FEZ2: variants seen among roughly 807,000 people sequenced by gnomAD.
FEZ2 encodes the protein fasciculation and elongation protein zeta 2, also known as fasciculation and elongation protein zeta-2.
Under a neutral mutation model 40.4 loss-of-function variants are expected in FEZ2, and 51 were observed. The observed-to-expected ratio is 1.26, with a 90% CI of 1.01 to 1.59. The LOEUF is 1.59. Ranked by LOEUF, FEZ2 falls within the 40% of genes most tolerant of loss-of-function variation. The probability of loss-of-function intolerance (pLI) is 0.00; values close to 1 mark genes in which losing one functional copy is unlikely to be tolerated. For missense variants in FEZ2, 640 were observed against 438.3 expected, an observed-to-expected ratio of 1.46 and a Z score of -4.11; for synonymous variants, 242 against 172.0, an observed-to-expected ratio of 1.41 and a Z score of -3.18.
intron 2 of FEZ2, among the ~76,000 whole-genome samples, chr2:36,587,303 T>C (rs1302321667): frequency 6.6e-6 from 1 of 152,184 alleles, no homozygotes; most frequent in African/African-American, 2.4e-5. Context: ...TGGAATATCT[T>C]TCAGGCTTTG....
intron 1 of FEZ2, among the ~76,000 whole-genome samples, chr2:36,592,983 G>C (rs1669112997): frequency 6.6e-6 from 1 of 152,196 alleles, no homozygotes; most frequent in Non-Finnish European, 1.5e-5. Context: ...AGTAGAATTA[G>C]AGGCAATGTC....
intron 5 of FEZ2, among the ~76,000 whole-genome samples, chr2:36,566,779 G>A (rs944914233): frequency 1.3e-4 from 20 of 152,210 alleles, no homozygotes; most frequent in Non-Finnish European, 2.6e-4. Context: ...TGTGTGACAG[G>A]AGGGCAGTCA....
At chr2:36,580,970 G>A (rs901480217) in intron 4 of FEZ2, among the ~76,000 whole-genome samples, 3 of 152,126 alleles carry the variant, frequency 2.0e-5, no homozygotes, top group Admixed American at 6.5e-5. Flanking sequence ...TGGCCAACAT[G>A]ACGAAACCCC....
intron 1 of FEZ2, among the ~76,000 whole-genome samples, chr2:36,592,098 C>T (rs1477554170): frequency 6.6e-6 from 1 of 152,090 alleles, no homozygotes; most frequent in African/African-American, 2.4e-5. Context: ...TAAAATCAAA[C>T]ACTAAACATA....
intron 5 of FEZ2, among the ~76,000 whole-genome samples, chr2:36,560,528 T>C (rs1386995827): frequency 6.6e-6 from 1 of 152,200 alleles, no homozygotes; most frequent in Non-Finnish European, 1.5e-5. Flanking sequence ...TGTTTAAAAC[T>C]AAGAGTGAAA....
At chr2:36,596,788 T>G (rs993160400) in intron 1 of FEZ2, among the ~76,000 whole-genome samples, 1 of 152,150 alleles carries the variant, frequency 6.6e-6, no homozygotes, top group African/African-American at 2.4e-5. Flanking sequence ...CATTTTACCT[T>G]CAGCCTCTCC....
intron 4 of FEZ2, chr2:36,579,067 A>T (rs1668661007): frequency 1.9e-6 from 1 of 517,076 alleles, no homozygotes; most frequent in African/African-American, 1.9e-5. Context: ...GAGTAGAGGT[A>T]AGTGGGCAGG....
At position 36,590,965 on chromosome 2, in the gene FEZ2, C is replaced by A; in HGVS notation, c.313G>T (p.Asp105Tyr). The change falls in exon 2 of 8, where the codon GAC (aspartate) becomes TAC (tyrosine). Residue 105 changes from aspartate to tyrosine, a missense_variant. Transcript: ENST00000405912. ...GTCCTAGTATGCGATGACTTCCAGT[C>A]TACAGGCATCACATTCCCATAATTA... The part of the protein sequence containing the change: ...TDNYGNVMPV[D>Y]WKSSHTRTLH... 2 of 1,613,066 alleles carry A rather than the reference C, an allele frequency of 1.2e-6. No individual in the cohort carries two copies. Among genetic ancestry groups the A allele is most frequent in the East Asian group, 2.2e-5 (1 of 44,880 alleles).
chr2:36,592,353 T>G (rs1669095550), intron 1 of FEZ2, among the ~76,000 whole-genome samples: 1 of 152,160 alleles, frequency 6.6e-6, no homozygotes, highest in South Asian at 2.1e-4. Context: ...CATGGTGATT[T>G]GCTGCACCTA....
chr2:36,588,405 G>A (rs1044790350), intron 2 of FEZ2, among the ~76,000 whole-genome samples: 10 of 152,058 alleles, frequency 6.6e-5, no homozygotes, highest in African/African-American at 2.2e-4. Context: ...TATCATTACC[G>A]TGGCATTGAA....
In FEZ2 at chr2:36,567,232, T is replaced by C. The variant is rs1403540345; in HGVS notation, c.904-8719A>G. Reference sequence around the variant, plus strand: ...TAGAGCCTATGATCGTTTCACCATATCATGAGGTGTCTTGACTTCTTGCAG... The same window carrying C: ...TAGAGCCTATGATCGTTTCACCATACCATGAGGTGTCTTGACTTCTTGCAG... On this transcript the variant is annotated intron_variant, in intron 5 of 7. Coordinates refer to ENST00000405912, the MANE Select transcript of FEZ2 (RefSeq NM_005102.3). 3.3e-5 allele frequency among the ~76,000 whole-genome samples: 5 copies of C among 151,088 alleles called. No individual in the cohort carries two copies. The East Asian group carries it at 9.7e-4, about 29-fold the overall frequency.
chr2:36,567,144 G>C (rs1668267297), intron 5 of FEZ2, among the ~76,000 whole-genome samples: 2 of 152,018 alleles, frequency 1.3e-5, no homozygotes, highest in Admixed American at 1.3e-4. Flanking sequence ...GGCCATAGCA[G>C]TCATTTTTAA....
At chr2:36,593,215 G>C (rs953879948) in intron 1 of FEZ2, among the ~76,000 whole-genome samples, 9 of 152,312 alleles carry the variant, frequency 5.9e-5, no homozygotes, top group African/African-American at 2.2e-4. Context: ...GGAGACAAAA[G>C]GCACTTCTTA....
In FEZ2 at chr2:36,552,522, C is replaced by A; in HGVS notation, c.*641G>T. 8.5e-6 allele frequency: 2 copies of A among 236,376 alleles called. No homozygotes were observed. Among genetic ancestry groups the A allele is most frequent in the Non-Finnish European group, 1.7e-5 (2 of 118,484 alleles). 14.6% of individuals were successfully genotyped at this position (236,376 alleles called of 1,614,324 possible). ...ACATTTGAAAATCAAAACTTAAATA[C>A]AAGATTCTAAAAGTGAATGGCAATT... On this transcript the variant is annotated 3_prime_UTR_variant, in exon 8 of 8. Coordinates refer to ENST00000405912, the MANE Select transcript of FEZ2 (RefSeq NM_005102.3).
At chr2:36,560,819 C>A (rs369596428) in intron 5 of FEZ2, 1 of 1,611,218 alleles carries the variant, frequency 6.2e-7, no homozygotes, top group Non-Finnish European at 8.5e-7. Context: ...AAAGGTGTGG[C>A]GGAGGCCATT....
chr2:36,572,971 A>G (rs1668459672), intron 5 of FEZ2, among the ~76,000 whole-genome samples: 1 of 152,160 alleles, frequency 6.6e-6, no homozygotes. Flanking sequence ...AATTAGGGTA[A>G]TGTGATTCTT....
At chr2:36,595,107 A>G (rs564321299) in intron 1 of FEZ2, among the ~76,000 whole-genome samples, 1 of 152,324 alleles carries the variant, frequency 6.6e-6, no homozygotes, top group Non-Finnish European at 1.5e-5. Flanking sequence ...TCTTATAAGT[A>G]AAACCTCAGT....
intron 3 of FEZ2, 142 bp downstream of exon 3, chr2:36,583,211 A>G (rs952134107): frequency 2.8e-5 from 15 of 540,710 alleles, no homozygotes; most frequent in Non-Finnish European, 3.6e-5. Flanking sequence ...TCTCTGTGGA[A>G]GAGTTAACTA....
chr2:36,583,195 T>TA (rs1225938276), intron 3 of FEZ2, among the ~76,000 whole-genome samples, 158 bp downstream of exon 3: 1 of 152,212 alleles, frequency 6.6e-6, no homozygotes, highest in Non-Finnish European at 1.5e-5. Context: ...CACAAATACT[T>TA]ATTTTTCTCT....
Sources: gnomAD v4.1 joint callset for allele counts (sites outside exome capture counted in the v4.1 genomes callset) on GRCh38, gnomAD v4.1.1 for gene constraint, MANE v1.5 for transcripts, NCBI Gene and HGNC (gene_info 2026-07-23, HGNC 2026-07-21) for gene names.